Variants in YEATS4 observed in about 807,000 individuals in gnomAD.
The protein encoded by YEATS4 is YEATS domain-containing protein 4.
A neutral mutation model predicts 30.1 loss-of-function variants in YEATS4; 17 were observed. The observed-to-expected ratio is 0.56, with a 90% CI of 0.39 to 0.85. The LOEUF (loss-of-function observed/expected upper bound fraction) is 0.85, where lower values mean the gene tolerates loss of function less well. Among genes scored for constraint, YEATS4 ranks in the 40% least tolerant of loss-of-function variants. The pLI is 0.00. For missense variants in YEATS4, 142 were observed against 268.3 expected (o/e 0.53, Z 3.29); for synonymous variants, 85 against 87.5 (o/e 0.97, Z 0.16).
chr12:69,376,782 GTTC>G (rs754120742), intron 6 of YEATS4, among the ~76,000 whole-genome samples: 45 of 152,278 alleles, frequency 3.0e-4, no homozygotes, highest in African/African-American at 9.4e-4. Context: ...GTTGGTATTA[GTTC>G]TTCTTCAAAT....
chr12:69,372,210 G>A (rs1875671249), intron 6 of YEATS4, among the ~76,000 whole-genome samples: 1 of 151,946 alleles, frequency 6.6e-6, no homozygotes, highest in African/African-American at 2.4e-5. Flanking sequence ...TAATTTTGTG[G>A]GTATATTGTA....
At chr12:69,393,411 T>A (rs1279449264), downstream of YEATS4, among the ~76,000 whole-genome samples, 2 of 151,846 alleles carry the variant, frequency 1.3e-5, no homozygotes, top group Non-Finnish European at 2.9e-5. Context: ...GAGACTACAG[T>A]GAGCTATGTG....
intron 6 of YEATS4, among the ~76,000 whole-genome samples, chr12:69,381,858 G>C (rs192656414): frequency 7.5e-4 from 114 of 152,186 alleles, no homozygotes; most frequent in African/African-American, 2.7e-3. Flanking sequence ...TTCTTTGACT[G>C]GTCCGGCACA....
chr12:69,364,240 C>G, intron 2 of YEATS4: 1 of 434,146 alleles, frequency 2.3e-6, no homozygotes. Context: ...ATCGCTTGAG[C>G]CCAGGAGTTT....
intron 4 of YEATS4, among the ~76,000 whole-genome samples, chr12:69,370,444 TA>T (rs1565676695): frequency 6.6e-6 from 1 of 152,228 alleles, no homozygotes; most frequent in Non-Finnish European, 1.5e-5. Flanking sequence ...GTGTTATTTT[TA>T]GTTTCCTCTC....
the YEATS4 span, among the ~76,000 whole-genome samples, chr12:69,413,473 G>A: frequency 6.7e-4 from 101 of 151,774 alleles, no homozygotes; most frequent in African/African-American, 2.3e-3. Flanking sequence ...CAGAAGAAAC[G>A]GCAGCCTAAG....
intron 6 of YEATS4, among the ~76,000 whole-genome samples, chr12:69,385,243 G>A (rs1876227520): frequency 6.6e-6 from 1 of 151,734 alleles, no homozygotes; most frequent in Non-Finnish European, 1.5e-5. Flanking sequence ...TGGTATTACA[G>A]GCATGAATCA....
intron 6 of YEATS4, among the ~76,000 whole-genome samples, chr12:69,382,097 G>C (rs374818038): frequency 6.6e-6 from 1 of 152,144 alleles, no homozygotes; most frequent in Admixed American, 6.5e-5. Flanking sequence ...CCCAGAAGGC[G>C]TCCTTTGACC....
the YEATS4 span, among the ~76,000 whole-genome samples, chr12:69,422,146 T>A: frequency 6.6e-6 from 1 of 152,116 alleles, no homozygotes; most frequent in Non-Finnish European, 1.5e-5. Context: ...GGATGTGAGA[T>A]CCTTAGGGAG....
chr12:69,402,221 T>A, the YEATS4 span, among the ~76,000 whole-genome samples: 1 of 152,176 alleles, frequency 6.6e-6, no homozygotes, highest in Non-Finnish European at 1.5e-5. Context: ...CTAGCCTGTC[T>A]CAATGCCAGG....
chr12:69,406,634 G>C, the YEATS4 span, among the ~76,000 whole-genome samples: 1 of 151,926 alleles, frequency 6.6e-6, no homozygotes, highest in Non-Finnish European at 1.5e-5. Context: ...TTCTTTTTCT[G>C]TGAACGGCCA....
At chr12:69,388,662 A>G (rs575609678) in intron 6 of YEATS4, among the ~76,000 whole-genome samples, 21 of 152,256 alleles carry the variant, frequency 1.4e-4, no homozygotes, top group Non-Finnish European at 1.6e-4. Context: ...CCTGTTTTGC[A>G]GTAACATTTC....
rs772367734 is a variant in YEATS4 at position 69,388,457 on chromosome 12, G to GT, written c.515-1683dup. Among the ~76,000 whole-genome samples the GT allele has an allele frequency of 2.6e-5, 4 of 152,182 alleles. No homozygotes were observed. In the East Asian group the frequency reaches 7.7e-4, roughly 29 times the overall value. ...AGATCTTTTCTGTTTCCATAGTTGG[G>GT]TTTTTTTCCCACCAAACCATCTGGC... On this transcript the variant is annotated intron_variant, in intron 6 of 6. Transcript: ENST00000247843.
At chr12:69,413,289 A>G in the YEATS4 span, among the ~76,000 whole-genome samples, 15 of 150,204 alleles carry the variant, frequency 1.0e-4, no homozygotes, top group African/African-American at 2.7e-4. Context: ...TTGAGGCTAC[A>G]GTGAGCTGTG....
chr12:69,364,207 C>T (rs375367445), intron 2 of YEATS4: 8 of 447,880 alleles, frequency 1.8e-5, no homozygotes, highest in South Asian at 7.8e-5. Flanking sequence ...AATCTCAGCA[C>T]TATGGGAGGC....
At chr12:69,396,119 G>A in the YEATS4 span, among the ~76,000 whole-genome samples, 6 of 152,128 alleles carry the variant, frequency 3.9e-5, no homozygotes, top group Admixed American at 2.6e-4. Context: ...GCTATCCTGA[G>A]TTAACTGTTC....
the YEATS4 span, among the ~76,000 whole-genome samples, chr12:69,398,936 G>A: frequency 1.3e-5 from 2 of 152,036 alleles, no homozygotes; most frequent in Admixed American, 6.6e-5. Flanking sequence ...GGATCATGAG[G>A]TCAGGAGATT....
the YEATS4 span, among the ~76,000 whole-genome samples, chr12:69,402,564 G>A: frequency 5.3e-5 from 8 of 152,162 alleles, no homozygotes; most frequent in East Asian, 3.9e-4. Flanking sequence ...GGTCTCTGTC[G>A]TAGATCCTAA....
At chr12:69,407,843 A>G in the YEATS4 span, among the ~76,000 whole-genome samples, 1 of 150,488 alleles carries the variant, frequency 6.6e-6, no homozygotes, top group Non-Finnish European at 1.5e-5. Flanking sequence ...CAGCCCCCTG[A>G]GTAGCTGGGA....
Sources: allele counts gnomAD v4.1 joint callset (sites outside exome capture counted in the v4.1 genomes callset), GRCh38; gene constraint gnomAD v4.1.1; transcripts MANE v1.5; gene names NCBI Gene and HGNC (gene_info 2026-07-23, HGNC 2026-07-21).